C8orf34: variants seen among roughly 807,000 people sequenced by gnomAD.
C8orf34 encodes the protein uncharacterized protein C8orf34.
Under a neutral mutation model 68.3 loss-of-function variants are expected in C8orf34, and 65 were observed. The observed-to-expected ratio is 0.95, with a 90% CI of 0.78 to 1.17. The LOEUF (loss-of-function observed/expected upper bound fraction) is 1.17, where lower values mean the gene tolerates loss of function less well. C8orf34 is among the 50% of genes most tolerant of loss of function. The pLI, the probability that C8orf34 is intolerant of heterozygous loss-of-function variation, is 0.00. For missense variants in C8orf34, 664 were observed against 655.4 expected (o/e 1.01, Z -0.14); for synonymous variants, 244 against 241.2 (o/e 1.01, Z -0.11).
chr8:68,714,621 T>C lies in C8orf34; in HGVS notation c.1327+5542T>C, dbSNP rs542095723. On this transcript the variant is annotated intron_variant, in intron 9 of 13. Transcript: ENST00000518698. ...CACAAAACACTGCTGAAAGAAATTA[T>C]AGACAACACAAACAAATGGAAACAC... is the stretch of plus-strand genomic sequence containing the variant. Among the ~76,000 whole-genome samples, 33 of 152,226 alleles carry C rather than the reference T, an allele frequency of 2.2e-4. 1 individual carries two copies. Among genetic ancestry groups the C allele is most frequent in the Middle Eastern group, 3.4e-3 (1 of 294 alleles).
chr8:68,427,672 C>T (rs184184681), intron 1 of C8orf34, among the ~76,000 whole-genome samples: 1 of 151,228 alleles, frequency 6.6e-6, no homozygotes, highest in East Asian at 1.9e-4. Flanking sequence ...TGGAACTATA[C>T]ACACACACAC....
chr8:68,371,434 A>G (rs1305208445), intron 1 of C8orf34, among the ~76,000 whole-genome samples: 1 of 144,222 alleles, frequency 6.9e-6, no homozygotes, highest in Non-Finnish European at 1.5e-5. Context: ...GACATTCTAT[A>G]TGACATCTTA....
chr8:68,456,362 T>A lies in C8orf34; in HGVS notation c.607+9902T>A, dbSNP rs550654765. ...CAACTTCTTAGCCCATTCAAAAGAT[T>A]GTGAGCTTGGTAGAATGTAATATCT... is the stretch of plus-strand genomic sequence containing the variant. On this transcript the variant is annotated intron_variant, in intron 3 of 13. Transcript: ENST00000518698. Among the ~76,000 whole-genome samples the A allele has an allele frequency of 1.1e-3, 160 of 152,290 alleles. 1 individual carries two copies. The highest frequency in any genetic ancestry group is 3.8e-3 in the African/African-American group (157 of 41,550).
At chr8:68,530,125 G>T (rs1815181996) in intron 6 of C8orf34, among the ~76,000 whole-genome samples, 2 of 151,958 alleles carry the variant, frequency 1.3e-5, no homozygotes, top group Non-Finnish European at 2.9e-5. Context: ...TTAAAGTTAT[G>T]AAGGAAAATT....
intron 1 of C8orf34, among the ~76,000 whole-genome samples, chr8:68,422,367 C>T (rs764659438): frequency 6.6e-6 from 1 of 152,284 alleles, no homozygotes; most frequent in Non-Finnish European, 1.5e-5. Context: ...TTGGCCAAAA[C>T]AGAGGGGCTA....
intron 1 of C8orf34, among the ~76,000 whole-genome samples, chr8:68,375,233 AGTT>A (rs1023813403): frequency 6.6e-5 from 10 of 152,204 alleles, no homozygotes; most frequent in African/African-American, 2.2e-4. Context: ...CTAGCTCAGT[AGTT>A]TCCAAATGTT....
chr8:68,546,345 G>A lies in C8orf34; in HGVS notation c.1105+13196G>A, dbSNP rs760226663. 4.6e-5 allele frequency among the ~76,000 whole-genome samples: 7 copies of A among 152,024 alleles called. No homozygotes were observed. In the East Asian group the frequency reaches 1.4e-3, roughly 29 times the overall value. On this transcript the variant is annotated intron_variant, in intron 7 of 13. Transcript: ENST00000518698. ...GATTCACACTCTGAAGGCCAGAGAG[G>A]TTCAAAGTATAAAGTTAGCAAAAGA...
intron 4 of C8orf34, among the ~76,000 whole-genome samples, chr8:68,473,870 C>T (rs1315462743): frequency 6.6e-6 from 1 of 152,162 alleles, no homozygotes; most frequent in Non-Finnish European, 1.5e-5. Context: ...CAAAATTTCT[C>T]TGGTAGTTGT....
chr8:68,440,213 A>C (rs1238481068), intron 2 of C8orf34, among the ~76,000 whole-genome samples: 1 of 152,200 alleles, frequency 6.6e-6, no homozygotes, highest in Non-Finnish European at 1.5e-5. Flanking sequence ...TTTGCTCATA[A>C]AATGTGTTTA....
intron 8 of C8orf34, among the ~76,000 whole-genome samples, chr8:68,706,592 A>T (rs1230360874): frequency 6.6e-6 from 1 of 152,218 alleles, no homozygotes; most frequent in Non-Finnish European, 1.5e-5. Flanking sequence ...GGAGACCAGA[A>T]CACTGGACTT....
At chr8:68,532,843 G>A in intron 6 of C8orf34, 140 bp from the exon 7 acceptor site, 1 of 608,956 alleles carries the variant, frequency 1.6e-6, no homozygotes, top group South Asian at 2.6e-5. Context: ...GGGTGTCCAA[G>A]AAAGATGATA....
At chr8:68,458,736 G>T (rs1028943293) in intron 3 of C8orf34, among the ~76,000 whole-genome samples, 4 of 152,132 alleles carry the variant, frequency 2.6e-5, no homozygotes, top group Non-Finnish European at 4.4e-5. Flanking sequence ...CATGGGCCTC[G>T]AAGTGTTTTC....
chr8:68,515,260 T>C (rs1478707727), intron 5 of C8orf34, among the ~76,000 whole-genome samples: 7 of 152,094 alleles, frequency 4.6e-5, no homozygotes, highest in Admixed American at 3.3e-4. Flanking sequence ...ACCTCACTTA[T>C]TTAGTTTTTT....
At chr8:68,399,789 G>A (rs538427642) in intron 1 of C8orf34, among the ~76,000 whole-genome samples, 39 of 152,132 alleles carry the variant, frequency 2.6e-4, no homozygotes, top group African/African-American at 5.1e-4. Flanking sequence ...GTGTGTAAGC[G>A]TTCCCTTTTC....
Position 68,603,714 on chromosome 8 carries a change from A to C in C8orf34, c.1106-36662A>C, listed in dbSNP as rs1473926570. On this transcript the variant is annotated intron_variant, in intron 7 of 13. Transcript: ENST00000518698. Reference sequence around the variant, plus strand: ...AGAGACAAAACTAATCTGTGGACGAAAAAAACCACAGTGGGGATATGAGTA... The same window carrying C: ...AGAGACAAAACTAATCTGTGGACGACAAAAACCACAGTGGGGATATGAGTA... 6.6e-5 allele frequency among the ~76,000 whole-genome samples: 10 copies of C among 152,228 alleles called. No individual in the cohort carries two copies. In the East Asian group the frequency reaches 1.7e-3, roughly 27 times the overall value.
intron 8 of C8orf34, among the ~76,000 whole-genome samples, chr8:68,707,570 T>A (rs76281974): frequency 0.081 from 12,262 of 152,168 alleles, 755 homozygotes; most frequent in African/African-American, 0.17. Flanking sequence ...TCTTTTTAGG[T>A]TTAAAAAAAA....
chr8:68,627,296 C>T (rs1006597550), intron 7 of C8orf34, among the ~76,000 whole-genome samples: 5 of 152,104 alleles, frequency 3.3e-5, no homozygotes, highest in African/African-American at 9.7e-5. Context: ...CCTTCTCCTA[C>T]TGCCCCTCAA....
intron 10 of C8orf34, among the ~76,000 whole-genome samples, chr8:68,737,362 G>A (rs1822150689): frequency 6.6e-6 from 1 of 152,010 alleles, no homozygotes. Context: ...AGTTATGAGA[G>A]GCAGTATTGT....
chr8:68,643,701 A>G (rs1289042153), intron 8 of C8orf34, among the ~76,000 whole-genome samples: 2 of 152,072 alleles, frequency 1.3e-5, no homozygotes, highest in Admixed American at 1.3e-4. Context: ...CTTGTGACCT[A>G]ATCACCTCCC....
Sources: allele counts gnomAD v4.1 joint callset (sites outside exome capture counted in the v4.1 genomes callset), GRCh38; gene constraint gnomAD v4.1.1; transcripts MANE v1.5; gene names NCBI Gene and HGNC (gene_info 2026-07-23, HGNC 2026-07-21).